The following LCLAT1 variants were observed in gnomAD, a reference collection of about 807,000 sequenced individuals.
LCLAT1 encodes the protein lysocardiolipin acyltransferase 1.
In LCLAT1, 11 loss-of-function variants were observed where a neutral mutation model predicts 30.7. The observed-to-expected ratio is 0.36, with a 90% CI of 0.23 to 0.59. The LOEUF (loss-of-function observed/expected upper bound fraction) is 0.59, where lower values mean the gene tolerates loss of function less well. Among genes scored for constraint, LCLAT1 ranks in the 20% least tolerant of loss-of-function variants. LCLAT1 has a pLI of 0.77. For synonymous variants in LCLAT1, 155 were observed against 151.3 expected (o/e 1.02, Z -0.18); for missense variants, 402 against 458.6 (o/e 0.88, Z 1.13).
intron 1 of LCLAT1, among the ~76,000 whole-genome samples, chr2:30,511,804 G>T (rs1684952563): frequency 6.6e-6 from 1 of 152,188 alleles, no homozygotes; most frequent in Non-Finnish European, 1.5e-5. Context: ...GTAGGAGAGG[G>T]ACAGTTACCC....
chr2:30,458,613 T>C (rs1681948727), intron 1 of LCLAT1, among the ~76,000 whole-genome samples: 1 of 152,236 alleles, frequency 6.6e-6, no homozygotes, highest in Non-Finnish European at 1.5e-5. Context: ...TTTATTGTTT[T>C]ACTTAAGTGT....
At chr2:30,531,434 G>A (rs553551234) in intron 2 of LCLAT1, among the ~76,000 whole-genome samples, 1 of 152,124 alleles carries the variant, frequency 6.6e-6, no homozygotes, top group Admixed American at 6.6e-5. Context: ...TTGAAAATTT[G>A]ATGAAAACTG....
At chr2:30,478,923 T>A (rs1683185513) in intron 1 of LCLAT1, among the ~76,000 whole-genome samples, 1 of 152,220 alleles carries the variant, frequency 6.6e-6, no homozygotes. Flanking sequence ...CCTCCTGGGA[T>A]ATACTTGGGT....
At chr2:30,574,082 C>CA (rs1665894851) in intron 5 of LCLAT1, among the ~76,000 whole-genome samples, 1 of 151,918 alleles carries the variant, frequency 6.6e-6, no homozygotes, top group African/African-American at 2.4e-5. Context: ...GTGGAGGTTG[C>CA]AGTGAGCTGA....
At chr2:30,596,939 G>T (rs1212037128) in intron 5 of LCLAT1, among the ~76,000 whole-genome samples, 1 of 128,914 alleles carries the variant, frequency 7.8e-6, no homozygotes, top group Non-Finnish European at 1.6e-5. Context: ...GTTTGTCAAA[G>T]ATCAGATGGC....
chr2:30,580,492 A>G (rs1458829002), intron 5 of LCLAT1, among the ~76,000 whole-genome samples: 1 of 152,158 alleles, frequency 6.6e-6, no homozygotes, highest in African/African-American at 2.4e-5. Context: ...AGCCAAATGT[A>G]AGTGAAGAGT....
chr2:30,633,807 C>A (rs1043605011), intron 5 of LCLAT1, among the ~76,000 whole-genome samples: 1 of 152,156 alleles, frequency 6.6e-6, no homozygotes, highest in African/African-American at 2.4e-5. Context: ...TTGTGTTATT[C>A]TGTCATTGAA....
At chr2:30,580,268 C>T (rs1417502260) in intron 5 of LCLAT1, among the ~76,000 whole-genome samples, 1 of 152,144 alleles carries the variant, frequency 6.6e-6, no homozygotes, top group African/African-American at 2.4e-5. Context: ...TGATCTGAAT[C>T]AAACTTTTCC....
chr2:30,537,350 C>T (rs1364207708), intron 3 of LCLAT1, among the ~76,000 whole-genome samples: 4 of 149,752 alleles, frequency 2.7e-5, no homozygotes, highest in Admixed American at 6.7e-5. Flanking sequence ...CACTGCAGTC[C>T]GCAGTCCGGC....
intron 5 of LCLAT1, among the ~76,000 whole-genome samples, chr2:30,577,025 G>A (rs1301948416): frequency 6.6e-6 from 1 of 151,128 alleles, no homozygotes; most frequent in African/African-American, 2.4e-5. Context: ...AAAATTATTT[G>A]CATAGCTCTC....
intron 1 of LCLAT1, among the ~76,000 whole-genome samples, chr2:30,510,772 T>C (rs553151737): frequency 6.6e-6 from 1 of 152,158 alleles, no homozygotes; most frequent in African/African-American, 2.4e-5. Context: ...CTTTATCTTC[T>C]GCTGGGCTTT....
chr2:30,517,355 G>C (rs1229652417), intron 1 of LCLAT1, among the ~76,000 whole-genome samples: 5 of 152,136 alleles, frequency 3.3e-5, no homozygotes, highest in Admixed American at 2.6e-4. Context: ...CCCTCGACGT[G>C]GGTAGTTAGG....
At chr2:30,594,648 A>C (rs899874764) in intron 5 of LCLAT1, among the ~76,000 whole-genome samples, 4 of 152,236 alleles carry the variant, frequency 2.6e-5, no homozygotes, top group Admixed American at 2.6e-4. Flanking sequence ...AGTTACCACT[A>C]TTGGATTAAC....
intron 1 of LCLAT1, among the ~76,000 whole-genome samples, chr2:30,524,867 A>G (rs1463623089): frequency 6.6e-6 from 1 of 152,166 alleles, no homozygotes; most frequent in Non-Finnish European, 1.5e-5. Context: ...TGATTCAGGC[A>G]TCTACTGGGG....
At chr2:30,633,346 GATTTTT>G (rs1326171838) in intron 5 of LCLAT1, among the ~76,000 whole-genome samples, 1 of 152,150 alleles carries the variant, frequency 6.6e-6, no homozygotes, top group Admixed American at 6.5e-5. Context: ...ATAGAAAATA[GATTTTT>G]ATTTTAATTT....
chr2:30,508,211 T>A (rs550734984), intron 1 of LCLAT1, among the ~76,000 whole-genome samples: 4 of 152,246 alleles, frequency 2.6e-5, no homozygotes, highest in Non-Finnish European at 5.9e-5. Context: ...TTTGAAAAAA[T>A]TTTTTCCCTT....
At chr2:30,478,687 ATAG>A (rs1683166550) in intron 1 of LCLAT1, among the ~76,000 whole-genome samples, 47 of 132,652 alleles carry the variant, frequency 3.5e-4, no homozygotes, top group Non-Finnish European at 3.1e-4. Flanking sequence ...AAATAGATAG[ATAG>A]GTAGGTAGGT....
chr2:30,452,139 T>C (rs1681582083), intron 1 of LCLAT1, among the ~76,000 whole-genome samples: 1 of 152,138 alleles, frequency 6.6e-6, no homozygotes, highest in African/African-American at 2.4e-5. Flanking sequence ...TATGTTGAGA[T>C]GTGTGGTGGT....
In LCLAT1 at chr2:30,544,047, CTT is replaced by C. The variant is rs1163790604; in HGVS notation, c.364+10735_364+10736del. ...ACAGGTGTTTAGAACTACACATTTT[CTT>C]TCAGCACTGCTATAGTTGTGTGTTG... On this transcript the variant is annotated intron_variant, in intron 3 of 5. Transcript: ENST00000379509. 1.6e-4 allele frequency among the ~76,000 whole-genome samples: 24 copies of C among 152,254 alleles called. No individual in the cohort carries two copies. In the East Asian group the frequency reaches 3.9e-3, roughly 24 times the overall value.
Sources: gnomAD v4.1 joint callset for allele counts (sites outside exome capture counted in the v4.1 genomes callset) on GRCh38, gnomAD v4.1.1 for gene constraint, MANE v1.5 for transcripts, NCBI Gene and HGNC (gene_info 2026-07-23, HGNC 2026-07-21) for gene names.